The following MYO1E variants were observed in gnomAD, a reference collection of about 807,000 sequenced individuals.
MYO1E encodes myosin IE, also known as unconventional myosin-Ie.
In MYO1E, 68 loss-of-function variants were observed where a neutral mutation model predicts 151.1. That is an observed-to-expected ratio of 0.45 (90% CI 0.37 to 0.55). The LOEUF is 0.55. MYO1E is among the 20% of genes least tolerant of loss of function. The pLI, the probability that MYO1E is intolerant of heterozygous loss-of-function variation, is 0.00. For missense variants in MYO1E, 1,363 were observed against 1,389.3 expected (o/e 0.98, Z 0.30); for synonymous variants, 601 against 501.7 (o/e 1.20, Z -2.64).
chr15:59,167,866 A>C (rs1405597133), intron 22 of MYO1E, among the ~76,000 whole-genome samples: 1 of 151,992 alleles, frequency 6.6e-6, no homozygotes, highest in Non-Finnish European at 1.5e-5. Flanking sequence ...TTTAGTAGAG[A>C]GGGGGTTTCA....
chr15:59,170,925 G>C (rs1285503293), intron 22 of MYO1E, among the ~76,000 whole-genome samples: 2 of 152,204 alleles, frequency 1.3e-5, no homozygotes, highest in Admixed American at 6.5e-5. Flanking sequence ...TGTGGAGTAA[G>C]AGTTTGACAG....
At chr15:59,153,152 G>C (rs1274822212) in intron 26 of MYO1E, among the ~76,000 whole-genome samples, 1 of 152,160 alleles carries the variant, frequency 6.6e-6, no homozygotes, top group Non-Finnish European at 1.5e-5. Context: ...AAGCCACAAA[G>C]ACCCATATTC....
chr15:59,301,160 C>T (rs905835968), intron 1 of MYO1E, among the ~76,000 whole-genome samples: 1 of 152,122 alleles, frequency 6.6e-6, no homozygotes, highest in African/African-American at 2.4e-5. Context: ...GCACCTGGCA[C>T]ATTTGTTTTC....
chr15:59,174,257 G>A lies in MYO1E; in HGVS notation c.2050-17C>T. On this transcript the variant is annotated splice_polypyrimidine_tract_variant and intron_variant, in intron 19 of 27. Coordinates refer to ENST00000288235, the MANE Select transcript of MYO1E (RefSeq NM_004998.4). ...AAGAAATAGCTGTGAATGGAGAGAA[G>A]ACAAATGTGAGCCAAGCCCCAAGCC... is the stretch of plus-strand genomic sequence containing the variant. 6.4e-7 allele frequency: 1 copy of A among 1,570,346 alleles called. No homozygotes were observed.
At chr15:59,239,395 C>A (rs2080086685) in intron 4 of MYO1E, among the ~76,000 whole-genome samples, 1 of 151,424 alleles carries the variant, frequency 6.6e-6, no homozygotes, top group Non-Finnish European at 1.5e-5. Flanking sequence ...TAAGTTTACA[C>A]TGTCACATTT....
At chr15:59,178,288 T>C (rs1596353568) in intron 19 of MYO1E, 105 bp downstream of exon 19, 1 of 1,412,774 alleles carries the variant, frequency 7.1e-7, no homozygotes, top group Non-Finnish European at 9.7e-7. Flanking sequence ...ACAACATTGA[T>C]GGCATGAAGC....
chr15:59,170,276 T>C (rs1380562278), intron 22 of MYO1E, among the ~76,000 whole-genome samples: 1 of 152,216 alleles, frequency 6.6e-6, no homozygotes, highest in African/African-American at 2.4e-5. Flanking sequence ...AAGACATACC[T>C]GGGCAATAAC....
At chr15:59,268,931 G>C (rs1472599508) in intron 2 of MYO1E, among the ~76,000 whole-genome samples, 2 of 151,732 alleles carry the variant, frequency 1.3e-5, no homozygotes. Context: ...TCATTTGTTT[G>C]TTTTTATACT....
intron 26 of MYO1E, among the ~76,000 whole-genome samples, chr15:59,151,888 A>G (rs575215204): frequency 1.4e-5 from 2 of 144,812 alleles, no homozygotes; most frequent in Non-Finnish European, 3.0e-5. Flanking sequence ...CTCTACAAAA[A>G]TACACACACA....
At position 59,222,776 on chromosome 15, in the gene MYO1E, G is replaced by T. The variant is rs114423310; in HGVS notation, c.910+283C>A. On this transcript the variant is annotated intron_variant, in intron 9 of 27. Coordinates refer to ENST00000288235, the MANE Select transcript of MYO1E (RefSeq NM_004998.4). ...AGAGATCACTTTATCTTTAAACCAA[G>T]GTGTGAAATCCTCCCAGCTTTCCCC... is the stretch of plus-strand genomic sequence containing the variant. Among the ~76,000 whole-genome samples, 25 of 152,234 alleles carry T rather than the reference G, an allele frequency of 1.6e-4. No homozygotes were observed. In the South Asian group the frequency reaches 1.9e-3, roughly 11 times the overall value.
intron 10 of MYO1E, among the ~76,000 whole-genome samples, chr15:59,215,527 A>C (rs2079908028): frequency 6.6e-6 from 1 of 152,142 alleles, no homozygotes; most frequent in African/African-American, 2.4e-5. Context: ...AATGACAGCA[A>C]GGGAGGTTTG....
At chr15:59,214,616 C>T (rs199570761) in intron 11 of MYO1E, 24 bp downstream of exon 11, 119 of 1,563,662 alleles carry the variant, frequency 7.6e-5, no homozygotes, top group Middle Eastern at 6.7e-4. Context: ...CTCCTCAACC[C>T]CTAGTTATTA....
At chr15:59,138,762 T>C (rs1296653599) in intron 26 of MYO1E, among the ~76,000 whole-genome samples, 1 of 152,168 alleles carries the variant, frequency 6.6e-6, no homozygotes, top group Admixed American at 6.5e-5. Context: ...TAGGCATTTC[T>C]CCTTCACTGC....
chr15:59,206,056 G>C (rs1468701003), intron 14 of MYO1E, among the ~76,000 whole-genome samples: 1 of 152,174 alleles, frequency 6.6e-6, no homozygotes, highest in African/African-American at 2.4e-5. Flanking sequence ...ATAGCACTAG[G>C]AAGTCCCCAA....
intron 1 of MYO1E, among the ~76,000 whole-genome samples, chr15:59,347,826 C>T (rs1378127098): frequency 6.6e-6 from 1 of 151,984 alleles, no homozygotes; most frequent in African/African-American, 2.4e-5. Context: ...TTTCGGGTGA[C>T]ATAAGGAGCT....
At position 59,283,890 on chromosome 15, in the gene MYO1E, A is replaced by G. The variant is rs115471313; in HGVS notation, c.4-11441T>C. The stretch of plus-strand genomic sequence containing the variant: ...GTAACTGCTTTATTGCATGTTTACT[A>G]TGTGTCACGTATCAACTTCTTTCAT... On this transcript the variant is annotated intron_variant, in intron 1 of 27. Transcript: ENST00000288235. Among the ~76,000 whole-genome samples the G allele has an allele frequency of 4.3e-3, 659 of 152,354 alleles. 7 individuals are homozygous for G. The highest frequency in any genetic ancestry group is 0.014 in the African/African-American group (603 of 41,596).
At position 59,138,199 on chromosome 15, in the gene MYO1E, T is replaced by A; in HGVS notation, c.3249A>T (p.Glu1083Asp). Residue 1083 changes from glutamate to aspartate, a missense_variant and splice_region_variant, in exon 27 of 28, where the codon GAA (glutamate) becomes GAT (aspartate). Coordinates refer to ENST00000288235, the MANE Select transcript of MYO1E (RefSeq NM_004998.4). ...CCAGCCAACCAGCCACACACTTACC[T>A]TCTTTGATAATATCAATAATGTCAT... Reference protein sequence around the residue: ...NANDIIDIIKEDPSGWWTGRL... With the variant: ...NANDIIDIIKDDPSGWWTGRL... 1 of 1,614,176 alleles carries A rather than the reference T, an allele frequency of 6.2e-7. No homozygotes were observed. Among genetic ancestry groups the A allele is most frequent in the Non-Finnish European group, 8.5e-7 (1 of 1,180,024 alleles).
intron 1 of MYO1E, among the ~76,000 whole-genome samples, chr15:59,372,184 C>CCG: frequency 6.6e-6 from 1 of 151,922 alleles, no homozygotes; most frequent in Non-Finnish European, 1.5e-5. Flanking sequence ...GGACCCCCTC[C>CCG]CGCGCCGTGC....
Position 59,137,212 on chromosome 15 carries a change from GT to G in MYO1E, c.*167del, listed in dbSNP as rs1364977270. 2.7e-5 allele frequency: 18 copies of G among 676,970 alleles called. No individual in the cohort carries two copies. 41.9% of individuals were successfully genotyped at this position (676,970 alleles called of 1,614,324 possible). A position where few individuals can be genotyped will look rare whatever the true frequency, so the allele number is the denominator to read the frequency against. On this transcript the variant is annotated 3_prime_UTR_variant, in exon 28 of 28. Coordinates refer to ENST00000288235, the MANE Select transcript of MYO1E (RefSeq NM_004998.4). ...GATCACTTATGGAGTGATACTCCCT[GT>G]CCCCAACCCAGCCTTTTCAGTGTCC...
Sources: gnomAD v4.1 joint callset for allele counts (sites outside exome capture counted in the v4.1 genomes callset) on GRCh38, gnomAD v4.1.1 for gene constraint, MANE v1.5 for transcripts, NCBI Gene and HGNC (gene_info 2026-07-23, HGNC 2026-07-21) for gene names.